CNTNAP5: variants seen among roughly 807,000 people sequenced by gnomAD.
CNTNAP5 encodes the protein contactin-associated protein-like 5.
Under a neutral mutation model 150.2 loss-of-function variants are expected in CNTNAP5, and 72 were observed. That is an observed-to-expected ratio of 0.48 (90% CI 0.40 to 0.58). The LOEUF (loss-of-function observed/expected upper bound fraction) is 0.58, where lower values mean the gene tolerates loss of function less well. CNTNAP5 is among the 20% of genes least tolerant of loss of function. The probability of loss-of-function intolerance (pLI) is 0.00; values close to 1 mark genes in which losing one functional copy is unlikely to be tolerated. For synonymous variants in CNTNAP5, 672 were observed against 619.8 expected (o/e 1.08, Z -1.25); for missense variants, 1,636 against 1,626.2 (o/e 1.01, Z -0.10).
chr2:124,796,853 T>C (rs1171481774), intron 18 of CNTNAP5, among the ~76,000 whole-genome samples: 3 of 152,224 alleles, frequency 2.0e-5, no homozygotes, highest in Non-Finnish European at 2.9e-5. Flanking sequence ...TGATCTAAGG[T>C]GTGCTGCCCT....
intron 6 of CNTNAP5, among the ~76,000 whole-genome samples, chr2:124,449,325 A>G (rs930826928): frequency 3.3e-5 from 5 of 151,910 alleles, no homozygotes; most frequent in Admixed American, 6.5e-5. Flanking sequence ...CATCTCAAAG[A>G]AAAGAGATAT....
chr2:124,683,782 C>G (rs1265459819), intron 13 of CNTNAP5, among the ~76,000 whole-genome samples: 2 of 152,152 alleles, frequency 1.3e-5, no homozygotes, highest in Non-Finnish European at 2.9e-5. Flanking sequence ...CTTCACTTTT[C>G]TACCCTCTTC....
At chr2:124,441,283 T>C (rs1414738267) in intron 5 of CNTNAP5, among the ~76,000 whole-genome samples, 2 of 152,060 alleles carry the variant, frequency 1.3e-5, no homozygotes, top group African/African-American at 4.8e-5. Context: ...TATATAGTCT[T>C]CAACAAATAT....
intron 7 of CNTNAP5, among the ~76,000 whole-genome samples, chr2:124,482,155 C>T (rs867179075): frequency 4.6e-5 from 7 of 152,112 alleles, no homozygotes; most frequent in Admixed American, 1.3e-4. Context: ...CAGTAATAAA[C>T]GCAATGACCA....
chr2:124,638,185 A>G (rs1678011746), intron 12 of CNTNAP5, among the ~76,000 whole-genome samples: 1 of 149,872 alleles, frequency 6.7e-6, no homozygotes, highest in African/African-American at 2.4e-5. Context: ...TATATGATAT[A>G]TATGAGATAT....
intron 20 of CNTNAP5, among the ~76,000 whole-genome samples, chr2:124,868,218 G>T (rs191419323): frequency 6.6e-6 from 1 of 152,234 alleles, no homozygotes; most frequent in Admixed American, 6.5e-5. Context: ...GCATTCTTTT[G>T]TCCAAACCCT....
chr2:124,832,646 G>T (rs1045332887), intron 19 of CNTNAP5, among the ~76,000 whole-genome samples: 1 of 151,826 alleles, frequency 6.6e-6, no homozygotes, highest in Non-Finnish European at 1.5e-5. Flanking sequence ...TTCCAAGTGA[G>T]TTAAAGGATA....
chr2:124,174,474 C>T (rs889659976), intron 1 of CNTNAP5, among the ~76,000 whole-genome samples: 14 of 152,220 alleles, frequency 9.2e-5, no homozygotes, highest in African/African-American at 3.1e-4. Context: ...GATTCCAACC[C>T]TGATGGATGA....
chr2:124,071,199 T>C (rs1239583946), intron 1 of CNTNAP5, among the ~76,000 whole-genome samples: 1 of 151,804 alleles, frequency 6.6e-6, no homozygotes, highest in African/African-American at 2.4e-5. Flanking sequence ...AACCATATTA[T>C]TTCTTCATAC....
At chr2:124,624,787 G>A (rs1263245716) in intron 12 of CNTNAP5, among the ~76,000 whole-genome samples, 1 of 152,194 alleles carries the variant, frequency 6.6e-6, no homozygotes, top group Non-Finnish European at 1.5e-5. Flanking sequence ...CAAGGAGGCT[G>A]GGGGTGGTGG....
chr2:124,358,369 C>T (rs1034847509), intron 3 of CNTNAP5, among the ~76,000 whole-genome samples: 3 of 152,160 alleles, frequency 2.0e-5, no homozygotes, highest in African/African-American at 7.2e-5. Flanking sequence ...AGAGGGCATC[C>T]CTGTCTTGTG....
chr2:124,068,471 C>T (rs2104661340), intron 1 of CNTNAP5, among the ~76,000 whole-genome samples: 1 of 152,218 alleles, frequency 6.6e-6, no homozygotes, highest in Non-Finnish European at 1.5e-5. Context: ...TTAGAAGCCT[C>T]ACCTTTGTGG....
At chr2:124,291,320 T>C (rs578119303) in intron 3 of CNTNAP5, among the ~76,000 whole-genome samples, 1 of 152,114 alleles carries the variant, frequency 6.6e-6, no homozygotes, top group Non-Finnish European at 1.5e-5. Flanking sequence ...TTCACTGATA[T>C]AATTATATAT....
chr2:124,226,663 C>T (rs1686467170), intron 2 of CNTNAP5, among the ~76,000 whole-genome samples: 1 of 151,802 alleles, frequency 6.6e-6, no homozygotes, highest in African/African-American at 2.4e-5. Flanking sequence ...ATATCTTAGC[C>T]CATTTCAGTT....
At chr2:124,325,857 A>T (rs1328048113) in intron 3 of CNTNAP5, among the ~76,000 whole-genome samples, 1 of 152,130 alleles carries the variant, frequency 6.6e-6, no homozygotes, top group Admixed American at 6.6e-5. Flanking sequence ...ATAGACCTCC[A>T]CTAGGGGGAT....
intron 3 of CNTNAP5, among the ~76,000 whole-genome samples, chr2:124,396,224 C>A (rs926657560): frequency 2.6e-5 from 4 of 152,164 alleles, no homozygotes; most frequent in Non-Finnish European, 5.9e-5. Context: ...AATTACCAAG[C>A]TGGATAGTCT....
At chr2:124,672,955 A>T (rs1048626657) in intron 13 of CNTNAP5, among the ~76,000 whole-genome samples, 1 of 152,170 alleles carries the variant, frequency 6.6e-6, no homozygotes, top group Non-Finnish European at 1.5e-5. Flanking sequence ...TCTGAAAAAA[A>T]TTACCCAGAA....
chr2:124,445,671 G>A (rs1692795111), intron 5 of CNTNAP5, among the ~76,000 whole-genome samples: 1 of 152,186 alleles, frequency 6.6e-6, no homozygotes, highest in South Asian at 2.1e-4. Flanking sequence ...CGGGGAAGTG[G>A]CAGCTACCGC....
chr2:124,634,504 G>T (rs1315657474), intron 12 of CNTNAP5, among the ~76,000 whole-genome samples: 2 of 152,094 alleles, frequency 1.3e-5, no homozygotes, highest in Non-Finnish European at 2.9e-5. Flanking sequence ...GTGTGTGTGT[G>T]TGTATACATA....
Sources: gnomAD v4.1 joint callset for allele counts (sites outside exome capture counted in the v4.1 genomes callset) on GRCh38, gnomAD v4.1.1 for gene constraint, MANE v1.5 for transcripts, NCBI Gene and HGNC (gene_info 2026-07-23, HGNC 2026-07-21) for gene names.